Variants in DYM observed in about 807,000 individuals in gnomAD.
DYM encodes dymeclin.
A neutral mutation model predicts 93.1 loss-of-function variants in DYM; 78 were observed. That is an observed-to-expected ratio of 0.84 (90% CI 0.70 to 1.01). The LOEUF (loss-of-function observed/expected upper bound fraction) is 1.01. DYM is among the 50% of genes least tolerant of loss of function. The probability of loss-of-function intolerance (pLI) is 0.00; values close to 1 mark genes in which losing one functional copy is unlikely to be tolerated. For synonymous variants in DYM, 321 were observed against 319.7 expected (o/e 1.00, Z -0.04); for missense variants, 789 against 845.0 (o/e 0.93, Z 0.82).
At chr18:49,408,430 A>C (rs2071782494) in intron 2 of DYM, among the ~76,000 whole-genome samples, 2 of 152,218 alleles carry the variant, frequency 1.3e-5, no homozygotes, top group South Asian at 2.1e-4. Context: ...TATGTCCTTA[A>C]CATAAATCTG....
chr18:49,310,326 T>C (rs1450302798), intron 8 of DYM, among the ~76,000 whole-genome samples: 1 of 152,208 alleles, frequency 6.6e-6, no homozygotes, highest in Non-Finnish European at 1.5e-5. Flanking sequence ...CAATTTAAGT[T>C]ACCCTGAACT....
rs796875747 is a variant in DYM, at chr18:49,167,804, C to T, written c.1626-4017G>A. On this transcript the variant is annotated intron_variant, in intron 14 of 17. Transcript: ENST00000675505. ...TAGCTGGGATCTATTTGCTAGAATA[C>T]TTTTTTAAAATTTGAAAAAGACTAG... 3.2e-4 allele frequency among the ~76,000 whole-genome samples: 48 copies of T among 152,222 alleles called. 1 individual carries two copies. The highest frequency in any genetic ancestry group is 1.1e-3 in the African/African-American group (47 of 41,548).
At chr18:49,070,011 C>T (rs561267213) in intron 17 of DYM, among the ~76,000 whole-genome samples, 84 of 152,220 alleles carry the variant, frequency 5.5e-4, no homozygotes, top group Non-Finnish European at 9.7e-4. Flanking sequence ...ACAGCACTCC[C>T]GCCTGGGCAA....
chr18:49,072,475 T>TC (rs1453161086), intron 17 of DYM, among the ~76,000 whole-genome samples: 1 of 152,192 alleles, frequency 6.6e-6, no homozygotes, highest in Admixed American at 6.5e-5. Context: ...CTCCAACCTT[T>TC]CCCCTGTGGA....
chr18:49,365,832 T>C (rs573507418), intron 5 of DYM, among the ~76,000 whole-genome samples: 6 of 152,242 alleles, frequency 3.9e-5, no homozygotes, highest in Non-Finnish European at 7.4e-5. Flanking sequence ...AAACACCTAA[T>C]TTTTACATCT....
intron 15 of DYM, among the ~76,000 whole-genome samples, chr18:49,131,709 A>G (rs1002779632): frequency 6.6e-6 from 1 of 152,238 alleles, no homozygotes; most frequent in Non-Finnish European, 1.5e-5. Context: ...TGAGACAATC[A>G]TACCTTCTCA....
chr18:49,337,579 A>G lies in DYM; in HGVS notation c.495-3726T>C, dbSNP rs1032996147. Among the ~76,000 whole-genome samples, 7 of 152,212 alleles carry G rather than the reference A, an allele frequency of 4.6e-5. No individual in the cohort carries two copies. The South Asian group carries it at 1.4e-3, about 32-fold the overall frequency. ...TGGATCCTGCCTGAGAACATAGCCA[A>G]TCACAGCAGTGACAAGAGATTGAGA... On this transcript the variant is annotated intron_variant, in intron 6 of 17. Transcript: ENST00000675505.
intron 5 of DYM, among the ~76,000 whole-genome samples, chr18:49,370,242 C>T (rs112123047): frequency 0.061 from 9,070 of 147,504 alleles, 521 homozygotes; most frequent in East Asian, 0.29. Context: ...CGCACCACTG[C>T]ACTTCAGCCT....
chr18:49,148,481 C>T (rs577772922), intron 15 of DYM, among the ~76,000 whole-genome samples: 1 of 152,142 alleles, frequency 6.6e-6, no homozygotes, highest in South Asian at 2.1e-4. Flanking sequence ...TGGTCTCGAA[C>T]TCCCAGGCTC....
intron 14 of DYM, among the ~76,000 whole-genome samples, chr18:49,180,771 T>C (rs2089851964): frequency 6.6e-6 from 1 of 152,168 alleles, no homozygotes; most frequent in Non-Finnish European, 1.5e-5. Flanking sequence ...TTAATTTTTC[T>C]GAGACTCAGT....
chr18:49,114,976 C>A (rs990537736), intron 16 of DYM, among the ~76,000 whole-genome samples: 40 of 152,302 alleles, frequency 2.6e-4, no homozygotes, highest in Non-Finnish European at 4.3e-4. Context: ...AGTGGTTAGG[C>A]AGAATTATTA....
At chr18:49,081,236 C>G (rs2077977813) in intron 17 of DYM, among the ~76,000 whole-genome samples, 1 of 150,916 alleles carries the variant, frequency 6.6e-6, no homozygotes, top group Non-Finnish European at 1.5e-5. Context: ...GTGAACCAGA[C>G]TCCGTCTGCA....
chr18:49,300,094 T>A (rs1277139450), intron 8 of DYM, among the ~76,000 whole-genome samples: 1 of 142,682 alleles, frequency 7.0e-6, no homozygotes, highest in African/African-American at 2.6e-5. Flanking sequence ...TAAATATATA[T>A]ATAAATATAT....
intron 14 of DYM, among the ~76,000 whole-genome samples, chr18:49,182,372 G>T (rs2090007153): frequency 6.6e-6 from 1 of 152,042 alleles, no homozygotes; most frequent in African/African-American, 2.4e-5. Context: ...TTTTCTATTA[G>T]TTAATAACAA....
intron 6 of DYM, among the ~76,000 whole-genome samples, chr18:49,338,495 C>G (rs1009879146): frequency 2.0e-5 from 3 of 152,122 alleles, no homozygotes; most frequent in Non-Finnish European, 4.4e-5. Context: ...GGCACTTTCC[C>G]TACTGGATAT....
chr18:49,109,539 C>CTATA (rs1287185814), intron 16 of DYM, among the ~76,000 whole-genome samples: 2 of 152,124 alleles, frequency 1.3e-5, no homozygotes, highest in Non-Finnish European at 1.5e-5. Context: ...GTTATCCAGT[C>CTATA]TATAGTTCAT....
At chr18:49,098,345 T>C (rs546221637) in intron 16 of DYM, among the ~76,000 whole-genome samples, 1 of 152,330 alleles carries the variant, frequency 6.6e-6, no homozygotes, top group South Asian at 2.1e-4. Flanking sequence ...TATATTAAGT[T>C]ACAAACAATC....
At chr18:49,162,516 C>T (rs1220221433) in intron 15 of DYM, among the ~76,000 whole-genome samples, 1 of 149,206 alleles carries the variant, frequency 6.7e-6, no homozygotes, top group Non-Finnish European at 1.5e-5. Flanking sequence ...TCTATTGATC[C>T]ATGAATTCAT....
In DYM at chr18:49,072,846, T is replaced by C. The variant is rs79328158; in HGVS notation, c.2025+24556A>G. On this transcript the variant is annotated intron_variant, in intron 17 of 17. Transcript: ENST00000675505. The stretch of plus-strand genomic sequence containing the variant: ...CTGATAGGGCTTCACAAACATGTGA[T>C]ATCCCTTTAAGAAAGGACATTGCTA... Among the ~76,000 whole-genome samples, 955 of 152,338 alleles carry C rather than the reference T, an allele frequency of 6.3e-3. 10 individuals are homozygous for C. The highest frequency in any genetic ancestry group is 0.021 in the African/African-American group (886 of 41,584).
Sources: gnomAD v4.1 joint callset for allele counts (sites outside exome capture counted in the v4.1 genomes callset) on GRCh38, gnomAD v4.1.1 for gene constraint, MANE v1.5 for transcripts, NCBI Gene and HGNC (gene_info 2026-07-23, HGNC 2026-07-21) for gene names.